Variants in RNF152 observed in about 807,000 individuals in gnomAD.
The protein encoded by RNF152 is ring finger protein 152, also known as E3 ubiquitin-protein ligase RNF152.
In RNF152, 11 loss-of-function variants were observed where a neutral mutation model predicts 12.7. That is an observed-to-expected ratio of 0.86 (90% confidence interval 0.54 to 1.43). The LOEUF is 1.43. Ranked by LOEUF, RNF152 falls within the 40% of genes most tolerant of loss-of-function variation. The probability of loss-of-function intolerance (pLI) is 0.00; values close to 1 mark genes in which losing one functional copy is unlikely to be tolerated. For synonymous variants in RNF152, 113 were observed against 120.3 expected (o/e 0.94, Z 0.40); for missense variants, 255 against 274.8 (o/e 0.93, Z 0.51).
chr18:61,826,563 C>CT (rs56349051), intron 1 of RNF152, among the ~76,000 whole-genome samples: 54,073 of 151,882 alleles, frequency 0.36, 10,135 homozygotes, highest in Non-Finnish European at 0.42. Context: ...CATATATAAA[C>CT]TTTTTTTCCT....
chr18:61,865,517 C>CA (rs1484854454), intron 1 of RNF152, among the ~76,000 whole-genome samples: 1 of 152,128 alleles, frequency 6.6e-6, no homozygotes, highest in African/African-American at 2.4e-5. Context: ...GTTGGCAGCA[C>CA]AAAAAACGCA....
At position 61,869,225 on chromosome 18, in the gene RNF152, C is replaced by T. The variant is rs572629421; in HGVS notation, c.-136+23570G>A. Among the ~76,000 whole-genome samples the T allele has an allele frequency of 6.6e-5, 10 of 152,274 alleles. No individual in the cohort carries two copies. In the East Asian group the frequency reaches 1.7e-3, roughly 26 times the overall value. On this transcript the variant is annotated intron_variant, in intron 1 of 1. Coordinates refer to ENST00000312828, the MANE Select transcript of RNF152 (RefSeq NM_173557.3). The stretch of plus-strand genomic sequence containing the variant: ...TCCAAAGAAATAGGGAATGTCTATC[C>T]TCAAATTTCAACTGCTAACTCCACA...
chr18:61,862,561 G>A (rs568166680), intron 1 of RNF152, among the ~76,000 whole-genome samples: 9 of 152,172 alleles, frequency 5.9e-5, no homozygotes, highest in South Asian at 2.1e-4. Flanking sequence ...AAACCCAAGC[G>A]GACAGGGTTC....
At chr18:61,864,950 G>GC (rs1188506133) in intron 1 of RNF152, among the ~76,000 whole-genome samples, 3 of 152,194 alleles carry the variant, frequency 2.0e-5, no homozygotes, top group African/African-American at 7.2e-5. Flanking sequence ...AACCCAGGAG[G>GC]CGGAGGTTGC....
Position 61,844,591 on chromosome 18 carries a change from AT to A in RNF152, c.-135-27994del, listed in dbSNP as rs909700456. ...AGGACTGCAGAATATTTACAGTAGCATTTTTTTTATCTAAAAGCTAAGCTTC... is the reference window on the plus strand; with the variant it reads ...AGGACTGCAGAATATTTACAGTAGCATTTTTTTATCTAAAAGCTAAGCTTC... On this transcript the variant is annotated intron_variant, in intron 1 of 1. Transcript: ENST00000312828. Among the ~76,000 whole-genome samples the A allele has an allele frequency of 5.9e-4, 90 of 152,152 alleles. 1 individual carries two copies. Among genetic ancestry groups the A allele is most frequent in the African/African-American group, 2.0e-3 (82 of 41,504 alleles).
chr18:61,884,053 A>G (rs536642145), intron 1 of RNF152, among the ~76,000 whole-genome samples: 2 of 152,266 alleles, frequency 1.3e-5, no homozygotes, highest in South Asian at 2.1e-4. Flanking sequence ...ATTCATCCCG[A>G]TATTTCCAGA....
intron 1 of RNF152, among the ~76,000 whole-genome samples, chr18:61,891,508 T>C (rs1363206525): frequency 6.6e-6 from 1 of 152,218 alleles, no homozygotes; most frequent in Non-Finnish European, 1.5e-5. Context: ...TTTTTTCTTC[T>C]TGCAGCAACA....
intron 1 of RNF152, among the ~76,000 whole-genome samples, chr18:61,848,865 C>A (rs1295320289): frequency 6.6e-6 from 1 of 152,162 alleles, no homozygotes; most frequent in Non-Finnish European, 1.5e-5. Context: ...CAACATGAAG[C>A]CAGAGGGCAA....
chr18:61,849,558 T>C (rs1910880043), intron 1 of RNF152, among the ~76,000 whole-genome samples: 1 of 152,196 alleles, frequency 6.6e-6, no homozygotes, highest in African/African-American at 2.4e-5. Context: ...CTGTGCACTG[T>C]TCCAAAATAT....
chr18:61,858,977 T>C (rs889816383), intron 1 of RNF152, among the ~76,000 whole-genome samples: 4 of 152,050 alleles, frequency 2.6e-5, no homozygotes, highest in South Asian at 2.1e-4. Context: ...CCATGTTTCT[T>C]ACGCGCCGGG....
chr18:61,825,058 G>A (rs1446180050), intron 1 of RNF152, among the ~76,000 whole-genome samples: 3 of 152,126 alleles, frequency 2.0e-5, no homozygotes, highest in Non-Finnish European at 4.4e-5. Flanking sequence ...AAGCCAAAGA[G>A]ATGAAAAAAC....
At position 61,866,795 on chromosome 18, in the gene RNF152, C is replaced by T. The variant is rs569429533; in HGVS notation, c.-136+26000G>A. Among the ~76,000 whole-genome samples the T allele has an allele frequency of 4.6e-5, 7 of 152,308 alleles. No homozygotes were observed. In the South Asian group the frequency reaches 1.0e-3, roughly 23 times the overall value. ...CAGCTCTGGCTTTCCCCTACTTGCC[C>T]GCTGTCCCCACCGCTGAGCAGCACA... On this transcript the variant is annotated intron_variant, in intron 1 of 1. Coordinates refer to ENST00000312828, the MANE Select transcript of RNF152 (RefSeq NM_173557.3).
chr18:61,853,367 G>A (rs1024611094), intron 1 of RNF152, among the ~76,000 whole-genome samples: 23 of 144,888 alleles, frequency 1.6e-4, no homozygotes, highest in South Asian at 6.5e-4. Context: ...ACAGCTCACT[G>A]CAACCTCTGC....
rs148598928 is a variant in RNF152 at position 61,816,164 on chromosome 18, G to A, written c.300C>T (p.Tyr100=). Residue 100 remains tyrosine, a synonymous_variant, in exon 2 of 2, where the codon TAC becomes TAT. Coordinates refer to ENST00000312828, the MANE Select transcript of RNF152 (RefSeq NM_173557.3). ...CCTTGGAGATGGGCAGGGGCAGCAT[G>A]TAGCACCCATTGCTGGGAAGTTTGA... is the stretch of plus-strand genomic sequence containing the variant. The part of the protein sequence containing the change: ...VFIKLPSNGC[Y]MLPLPISKER... 2,615 of 1,614,238 alleles carry A rather than the reference G, an allele frequency of 1.6e-3. 2 individuals are homozygous for A. Among genetic ancestry groups the A allele is most frequent in the Admixed American group, 2.8e-3 (171 of 60,032 alleles).
At chr18:61,838,127 C>A (rs2144664267) in intron 1 of RNF152, among the ~76,000 whole-genome samples, 1 of 152,298 alleles carries the variant, frequency 6.6e-6, no homozygotes, top group East Asian at 1.9e-4. Context: ...GAAACAATTC[C>A]CAAGCTGCAT....
At chr18:61,848,800 G>T (rs1030442219) in intron 1 of RNF152, among the ~76,000 whole-genome samples, 8 of 152,178 alleles carry the variant, frequency 5.3e-5, no homozygotes, top group African/African-American at 1.4e-4. Flanking sequence ...CAGGGAGGAG[G>T]AAAGTACTCA....
At chr18:61,823,245 G>A (rs1246289036) in intron 1 of RNF152, among the ~76,000 whole-genome samples, 2 of 152,188 alleles carry the variant, frequency 1.3e-5, no homozygotes, top group African/African-American at 4.8e-5. Context: ...TGAGCATCCT[G>A]GTTTGCTGTA....
At chr18:61,846,289 G>A (rs1437063464) in intron 1 of RNF152, among the ~76,000 whole-genome samples, 2 of 151,856 alleles carry the variant, frequency 1.3e-5, no homozygotes, top group Non-Finnish European at 1.5e-5. Context: ...AACTGTCTTT[G>A]GGGAGCTTCC....
At chr18:61,860,842 A>G (rs1011924748) in intron 1 of RNF152, among the ~76,000 whole-genome samples, 3 of 152,192 alleles carry the variant, frequency 2.0e-5, no homozygotes, top group African/African-American at 7.2e-5. Flanking sequence ...AATATTGACA[A>G]TCCTGACCCT....
Sources: gnomAD v4.1 joint callset for allele counts (sites outside exome capture counted in the v4.1 genomes callset) on GRCh38, gnomAD v4.1.1 for gene constraint, MANE v1.5 for transcripts, NCBI Gene and HGNC (gene_info 2026-07-23, HGNC 2026-07-21) for gene names.